GLIPR2: variants seen among roughly 807,000 people sequenced by gnomAD.
GLIPR2 encodes the protein Golgi-associated plant pathogenesis-related protein 1.
Under a neutral mutation model 20.4 loss-of-function variants are expected in GLIPR2, and 21 were observed. The observed-to-expected ratio is 1.03, with a 90% CI of 0.73 to 1.48. The LOEUF (loss-of-function observed/expected upper bound fraction) is 1.48. Among genes scored for constraint, GLIPR2 ranks in the 40% most tolerant of loss-of-function variants. GLIPR2 has a pLI of 0.00. For synonymous variants in GLIPR2, 91 were observed against 80.5 expected, an observed-to-expected ratio of 1.13 and a Z score of -0.70; for missense variants, 205 against 200.1, an observed-to-expected ratio of 1.02 and a Z score of -0.15.
intron 4 of GLIPR2, among the ~76,000 whole-genome samples, chr9:36,161,833 G>A (rs1047938063): frequency 1.3e-5 from 2 of 152,190 alleles, no homozygotes; most frequent in African/African-American, 2.4e-5. Context: ...CTGGGAGACT[G>A]TTGGAAGGTG....
intron 1 of GLIPR2, among the ~76,000 whole-genome samples, chr9:36,146,482 C>A (rs773758606): frequency 8.5e-5 from 13 of 152,194 alleles, no homozygotes; most frequent in Non-Finnish European, 1.9e-4. Context: ...CCAGCACCAA[C>A]TCAAAGTCCA....
At position 36,154,108 on chromosome 9, in the gene GLIPR2, C is replaced by CT. The variant is rs112491188; in HGVS notation, c.304+3159_304+3160insT. Among the ~76,000 whole-genome samples the CT allele has an allele frequency of 5.1e-4, 74 of 144,474 alleles. 2 individuals carry two copies. Among genetic ancestry groups the CT allele is most frequent in the Admixed American group, 4.8e-3 (68 of 14,300 alleles). The allele number at this position is 144,474 out of a possible 152,430, so 94.8% of individuals were successfully genotyped here. ...TTATATATATATATCTTTTCCCCCC[C>CT]CCTTTGAGACCGAGTCTCACTCCGT... On this transcript the variant is annotated intron_variant, in intron 4 of 4. Transcript: ENST00000377960.
intron 4 of GLIPR2, among the ~76,000 whole-genome samples, chr9:36,157,536 G>A (rs1376711151): frequency 5.3e-5 from 8 of 151,352 alleles, no homozygotes; most frequent in Admixed American, 1.3e-4. Context: ...TAGTAGAGAC[G>A]GGGTTTCACC....
At chr9:36,151,947 T>C (rs1668636432) in intron 4 of GLIPR2, among the ~76,000 whole-genome samples, 1 of 152,090 alleles carries the variant, frequency 6.6e-6, no homozygotes, top group Non-Finnish European at 1.5e-5. Flanking sequence ...CCCCACCTGT[T>C]CCACCCACAA....
In GLIPR2 at chr9:36,136,820, A is replaced by G. The variant is rs1464047189; in HGVS notation, c.13+29A>G. On this transcript the variant is annotated intron_variant, in intron 1 of 4. Transcript: ENST00000377960. This position sits in a 1 kb window ranked among gnomAD's most constrained non-coding sequence, Gnocchi z 4.3. ...AGCCCGCGGGCTCGCCCGCTGCGGA[A>G]TGGTTCGGAACCCCGCGCTCCCGGA... 7 of 1,292,758 alleles carry G rather than the reference A, an allele frequency of 5.4e-6. No individual in the cohort carries two copies. The highest frequency in any genetic ancestry group is 6.8e-6 in the Non-Finnish European group (7 of 1,023,246). The allele number at this position is 1,292,758 out of a possible 1,614,324, so 80.1% of individuals were successfully genotyped here.
chr9:36,150,797 A>T, intron 3 of GLIPR2, 75 bp from the exon 4 acceptor site: 2 of 1,070,636 alleles, frequency 1.9e-6, no homozygotes, highest in Non-Finnish European at 1.4e-6. Context: ...CTTGGGGCTG[A>T]TGGGAGAAAA....
chr9:36,146,940 T>C (rs1267333851), intron 1 of GLIPR2, among the ~76,000 whole-genome samples: 1 of 152,088 alleles, frequency 6.6e-6, no homozygotes, highest in Non-Finnish European at 1.5e-5. Context: ...ACAGCTCCAT[T>C]AGGCACCGTC....
Position 36,147,804 on chromosome 9 carries a change from A to G in GLIPR2, c.32A>G (p.Asn11Ser), listed in dbSNP as rs1374233799. 1.3e-6 allele frequency: 2 copies of G among 1,549,866 alleles called. No homozygotes were observed. The highest frequency in any genetic ancestry group is 4.5e-5 in the East Asian group (2 of 44,562). Reference sequence around the variant, plus strand: ...ATTCCAGCTTCCAAACAGTTTCATAATGAGGTCCTGAAGGCCCACAATGAG... The same window carrying G: ...ATTCCAGCTTCCAAACAGTTTCATAGTGAGGTCCTGAAGGCCCACAATGAG... MGKSASKQFH[N>S]EVLKAHNEYR... Residue 11 changes from asparagine (N) to serine (S), a missense_variant, in exon 2 of 5, where the codon AAT becomes AGT. Transcript: ENST00000377960.
At chr9:36,147,970 A>C in intron 2 of GLIPR2, 76 bp downstream of exon 2, 1 of 790,812 alleles carries the variant, frequency 1.3e-6, no homozygotes, top group Admixed American at 1.7e-5. Flanking sequence ...CCCTGTGGCC[A>C]GGCACGATGG....
chr9:36,148,018 C>T (rs536168996), intron 2 of GLIPR2, 124 bp downstream of exon 2: 163 of 704,532 alleles, frequency 2.3e-4, no homozygotes, highest in East Asian at 1.8e-3. Context: ...GAGGCCAAGG[C>T]GGGCGGATCA....
Position 36,162,749 on chromosome 9 carries a change from G to A in GLIPR2, c.*227G>A, listed in dbSNP as rs1265935948. On this transcript the variant is annotated 3_prime_UTR_variant, in exon 5 of 5. Coordinates refer to ENST00000377960, the MANE Select transcript of GLIPR2 (RefSeq NM_022343.4). ...TTACCCCGATGGTTACCTAGACCACGATTATTTGGATTGGGGGGAGGGGGG... is the reference window on the plus strand; with the variant it reads ...TTACCCCGATGGTTACCTAGACCACAATTATTTGGATTGGGGGGAGGGGGG... 5.2e-6 allele frequency: 3 copies of A among 577,972 alleles called. No homozygotes were observed. The highest frequency in any genetic ancestry group is 3.7e-5 in the South Asian group (2 of 53,900). 35.8% of individuals were successfully genotyped at this position (577,972 alleles called of 1,614,324 possible).
At chr9:36,140,427 T>C (rs1825020088) in intron 1 of GLIPR2, among the ~76,000 whole-genome samples, 1 of 147,456 alleles carries the variant, frequency 6.8e-6, no homozygotes, top group Admixed American at 6.9e-5. Context: ...AAAGGAAGGG[T>C]TTCCCTGCTT....
chr9:36,148,684 G>A (rs367838093), intron 3 of GLIPR2, 34 bp downstream of exon 3: 128 of 1,434,648 alleles, frequency 8.9e-5, no homozygotes, highest in African/African-American at 1.3e-4. Flanking sequence ...TCCTCTCTGC[G>A]GGAGCTGGAA....
chr9:36,146,579 A>G (rs1351467834), intron 1 of GLIPR2, among the ~76,000 whole-genome samples: 3 of 152,230 alleles, frequency 2.0e-5, no homozygotes, highest in African/African-American at 7.2e-5. Flanking sequence ...CTGTGAAATC[A>G]AAAGAAGTTA....
At chr9:36,162,273 G>A in intron 4 of GLIPR2, 89 bp from the exon 5 acceptor site, 1 of 1,604,094 alleles carries the variant, frequency 6.2e-7, no homozygotes. Flanking sequence ...TGGCAAGATG[G>A]TACAGGGGTT....
At chr9:36,139,025 C>T (rs890915759) in intron 1 of GLIPR2, among the ~76,000 whole-genome samples, 15 of 152,006 alleles carry the variant, frequency 9.9e-5, no homozygotes, top group African/African-American at 3.6e-4. Context: ...GGGGAGACTG[C>T]CGCAGTCACA....
At chr9:36,153,570 C>G (rs572952300) in intron 4 of GLIPR2, among the ~76,000 whole-genome samples, 1 of 152,082 alleles carries the variant, frequency 6.6e-6, no homozygotes, top group Non-Finnish European at 1.5e-5. Context: ...TCATGGATTC[C>G]CTGACCTGAG....
At chr9:36,148,397 G>A (rs952181896) in intron 2 of GLIPR2, 150 bp from the exon 3 acceptor site, 1 of 599,104 alleles carries the variant, frequency 1.7e-6, no homozygotes, top group Non-Finnish European at 3.0e-6. Context: ...TGTGGAATGG[G>A]ACTGCTGGGA....
chr9:36,148,448 C>T (rs573496964), intron 2 of GLIPR2, 99 bp from the exon 3 acceptor site: 19 of 782,054 alleles, frequency 2.4e-5, no homozygotes, highest in Middle Eastern at 3.2e-4. Context: ...TCTGTGAGCC[C>T]GGGGCAGGGA....
Sources: allele counts gnomAD v4.1 joint callset (sites outside exome capture counted in the v4.1 genomes callset), GRCh38; gene constraint gnomAD v4.1.1; non-coding constraint Gnocchi (gnomAD v3.1); transcripts MANE v1.5; gene names NCBI Gene and HGNC (gene_info 2026-07-23, HGNC 2026-07-21).